Variants in GPC6 observed in about 807,000 individuals in gnomAD.
GPC6 encodes the protein glypican-6.
In GPC6, 14 loss-of-function variants were observed where a neutral mutation model predicts 55.2. That is an observed-to-expected ratio of 0.25 (90% CI 0.17 to 0.40). The LOEUF is 0.40. GPC6 is among the 10% of genes least tolerant of loss of function. The pLI is 1.00. For synonymous variants in GPC6, 278 were observed against 259.6 expected (o/e 1.07, Z -0.68); for missense variants, 641 against 708.5 (o/e 0.90, Z 1.08).
intron 4 of GPC6, among the ~76,000 whole-genome samples, chr13:94,099,227 G>A (rs979028122): frequency 1.3e-5 from 2 of 152,062 alleles, no homozygotes; most frequent in African/African-American, 4.8e-5. Context: ...ATCATTGGAC[G>A]TTCTTGTTTT....
At chr13:93,771,137 G>A (rs1026678541) in intron 2 of GPC6, among the ~76,000 whole-genome samples, 6 of 152,046 alleles carry the variant, frequency 3.9e-5, no homozygotes, top group Admixed American at 1.3e-4. Flanking sequence ...CCCAGAATAA[G>A]CAAACAAGTC....
chr13:94,241,925 T>A (rs1021474436), intron 4 of GPC6, among the ~76,000 whole-genome samples: 2 of 152,064 alleles, frequency 1.3e-5, no homozygotes, highest in Non-Finnish European at 2.9e-5. Context: ...ATTCTTTTTT[T>A]ATTATTATTA....
intron 1 of GPC6, among the ~76,000 whole-genome samples, chr13:93,541,059 A>T (rs550715527): frequency 6.6e-6 from 1 of 151,644 alleles, no homozygotes; most frequent in Admixed American, 6.6e-5. Context: ...AGTTTTAGGG[A>T]ACATGTGCAC....
At chr13:93,404,778 A>T (rs1488060664) in intron 1 of GPC6, among the ~76,000 whole-genome samples, 1 of 152,110 alleles carries the variant, frequency 6.6e-6, no homozygotes, top group African/African-American at 2.4e-5. Context: ...CATTTATTAG[A>T]TTGGTAGATT....
At chr13:94,378,737 A>G (rs1379685061) in intron 6 of GPC6, among the ~76,000 whole-genome samples, 3 of 152,230 alleles carry the variant, frequency 2.0e-5, no homozygotes, top group Non-Finnish European at 4.4e-5. Context: ...GAATCTATCA[A>G]TAGCATAGAT....
intron 4 of GPC6, among the ~76,000 whole-genome samples, chr13:94,105,885 G>A (rs939261752): frequency 1.3e-5 from 2 of 152,130 alleles, no homozygotes; most frequent in Admixed American, 1.3e-4. Flanking sequence ...AGGGGCCAGG[G>A]ATGCTGCTAA....
In GPC6 at chr13:93,227,828, C is replaced by T. The variant is rs1875855620; in HGVS notation, c.160+212C>T. On this transcript the variant is annotated intron_variant, in intron 1 of 8. Coordinates refer to ENST00000377047, the MANE Select transcript of GPC6 (RefSeq NM_005708.5). The surrounding 1 kb of genome is among the most constrained non-coding windows in gnomAD (Gnocchi z 4.3). ...TGCGTCTCCGCCGCCTCATTGTGTG[C>T]ACACGCGGGAGCACCCTGGCTCCCG... is the stretch of plus-strand genomic sequence containing the variant. 2.0e-5 allele frequency among the ~76,000 whole-genome samples: 3 copies of T among 152,166 alleles called. No individual in the cohort carries two copies. Among genetic ancestry groups the T allele is most frequent in the Non-Finnish European group, 4.4e-5 (3 of 68,016 alleles).
intron 1 of GPC6, among the ~76,000 whole-genome samples, chr13:93,535,256 T>C (rs1882010153): frequency 6.6e-6 from 1 of 152,190 alleles, no homozygotes; most frequent in Admixed American, 6.5e-5. Context: ...TTTCTCCTTC[T>C]TCAAAAGTTA....
chr13:93,913,692 G>GT (rs1247559488), intron 3 of GPC6, among the ~76,000 whole-genome samples: 2 of 151,710 alleles, frequency 1.3e-5, no homozygotes, highest in African/African-American at 4.8e-5. Context: ...TTCTTTCATC[G>GT]TTTTTTTGGA....
intron 4 of GPC6, among the ~76,000 whole-genome samples, chr13:94,201,690 C>T (rs548833388): frequency 6.6e-6 from 1 of 152,240 alleles, no homozygotes; most frequent in South Asian, 2.1e-4. Context: ...GTGGCTTACA[C>T]CTGTAATCCC....
intron 4 of GPC6, among the ~76,000 whole-genome samples, chr13:94,124,956 A>G (rs1368692617): frequency 1.3e-5 from 2 of 152,264 alleles, no homozygotes; most frequent in South Asian, 2.1e-4. Context: ...ATAAACTGAA[A>G]AACAAGCAAG....
intron 3 of GPC6, among the ~76,000 whole-genome samples, chr13:93,831,840 C>T (rs888298690): frequency 6.6e-6 from 1 of 150,938 alleles, no homozygotes; most frequent in Admixed American, 6.6e-5. Context: ...TCTGTAATCC[C>T]AGCACTTTGG....
chr13:93,810,722 T>C (rs924700753), intron 2 of GPC6, among the ~76,000 whole-genome samples: 1 of 152,230 alleles, frequency 6.6e-6, no homozygotes, highest in Non-Finnish European at 1.5e-5. Flanking sequence ...ATATTAAGTA[T>C]TGTGGAATAT....
rs1237116328 is a variant in GPC6, at chr13:93,342,400, AC to A, written c.160+114785del. 2.0e-5 allele frequency among the ~76,000 whole-genome samples: 3 copies of A among 152,212 alleles called. 1 individual carries two copies. The highest frequency in any genetic ancestry group is 7.2e-5 in the African/African-American group (3 of 41,458). On this transcript the variant is annotated intron_variant, in intron 1 of 8. Transcript: ENST00000377047. ...TGAAGGAGGAGCAAACCCATGTCTT[AC>A]ATGGCGGCAGGCAAGAGAGTGTATG...
intron 4 of GPC6, among the ~76,000 whole-genome samples, chr13:94,054,526 A>G (rs1884064842): frequency 6.6e-6 from 1 of 152,160 alleles, no homozygotes; most frequent in Non-Finnish European, 1.5e-5. Flanking sequence ...TTGGATAACC[A>G]CTGATCCAAA....
intron 1 of GPC6, among the ~76,000 whole-genome samples, chr13:93,330,198 T>C (rs1018446721): frequency 5.9e-5 from 9 of 152,302 alleles, no homozygotes; most frequent in African/African-American, 2.2e-4. Flanking sequence ...TGAGTGCTAT[T>C]AATAGTAGAG....
chr13:93,604,883 G>A (rs958156825), intron 2 of GPC6, among the ~76,000 whole-genome samples: 2 of 152,086 alleles, frequency 1.3e-5, no homozygotes, highest in Admixed American at 6.5e-5. Context: ...TTTGTAAGGC[G>A]ACATTCTTGG....
intron 6 of GPC6, among the ~76,000 whole-genome samples, chr13:94,315,620 G>A (rs955108708): frequency 6.6e-6 from 1 of 152,304 alleles, no homozygotes; most frequent in Admixed American, 6.5e-5. Context: ...AGAGAAAAAG[G>A]ACATGTTAGT....
intron 5 of GPC6, among the ~76,000 whole-genome samples, chr13:94,300,819 T>C (rs1875610324): frequency 6.6e-6 from 1 of 152,222 alleles, no homozygotes. Flanking sequence ...TGGCTTATCC[T>C]GCAGCGATAA....
Sources: allele counts gnomAD v4.1 joint callset (sites outside exome capture counted in the v4.1 genomes callset), GRCh38; gene constraint gnomAD v4.1.1; non-coding constraint Gnocchi (gnomAD v3.1); transcripts MANE v1.5; gene names NCBI Gene and HGNC (gene_info 2026-07-23, HGNC 2026-07-21).